Variants in EFCAB11 observed in about 807,000 individuals in gnomAD.
EFCAB11 encodes EF-hand calcium binding domain 11, also known as EF-hand calcium-binding domain-containing protein 11.
A neutral mutation model predicts 23.0 loss-of-function variants in EFCAB11; 14 were observed. The ratio of observed to expected loss-of-function variants is 0.61; its 90% CI spans 0.40 to 0.95. EFCAB11 has a LOEUF of 0.95. Ranked by LOEUF, EFCAB11 falls within the 40% of genes least tolerant of loss-of-function variation. EFCAB11 has a pLI of 0.00. For missense variants in EFCAB11, 198 were observed against 195.8 expected, an observed-to-expected ratio of 1.01 and a Z score of -0.07; for synonymous variants, 65 against 66.6, an observed-to-expected ratio of 0.98 and a Z score of 0.11.
chr14:89,949,965 T>C (rs8003068), intron 3 of EFCAB11, 132 bp downstream of exon 3: 35,950 of 978,216 alleles, frequency 0.037, 2,837 homozygotes, highest in African/African-American at 0.29. Context: ...CCCGCCCCCA[T>C]GATTCAGTTA....
Position 89,797,282 on chromosome 14 carries a change from G to A in EFCAB11, c.453C>T (p.Asp151=), listed in dbSNP as rs750977080. 14 of 1,613,298 alleles carry A rather than the reference G, an allele frequency of 8.7e-6. No homozygotes were observed. In the East Asian group the frequency reaches 2.9e-4, roughly 33 times the overall value. Residue 151 remains aspartate (D), a synonymous_variant, in exon 6 of 6, where the codon GAC becomes GAT. Transcript: ENST00000316738. The part of the protein sequence containing the change: ...RDSDGHVSFR[D]FEYALNYGQK... ...GTCCATAGTTCAGGGCATATTCAAA[G>A]TCTCTAAAGCTGACGTGACCATCTG... is the stretch of plus-strand genomic sequence containing the variant.
chr14:89,797,952 G>C (rs556005509), intron 5 of EFCAB11, among the ~76,000 whole-genome samples: 1 of 152,046 alleles, frequency 6.6e-6, no homozygotes. Context: ...AAAAAAAAGT[G>C]TGTTTGAAAG....
chr14:89,888,972 GA>G (rs1180295013), intron 5 of EFCAB11, among the ~76,000 whole-genome samples: 2 of 152,142 alleles, frequency 1.3e-5, no homozygotes, highest in Admixed American at 1.3e-4. Flanking sequence ...GGGAAATACA[GA>G]AAGAACCATG....
chr14:89,809,305 T>A (rs922181307), intron 5 of EFCAB11, among the ~76,000 whole-genome samples: 1 of 152,196 alleles, frequency 6.6e-6, no homozygotes, highest in Non-Finnish European at 1.5e-5. Flanking sequence ...GACATTAGGA[T>A]GTTGGGGAGC....
intron 3 of EFCAB11, among the ~76,000 whole-genome samples, chr14:89,943,737 T>C (rs1307412280): frequency 6.6e-6 from 1 of 152,198 alleles, no homozygotes. Flanking sequence ...AAAAATTGCA[T>C]GTTAGCAGCA....
At chr14:89,910,513 A>AG (rs1414756853) in intron 5 of EFCAB11, among the ~76,000 whole-genome samples, 1 of 152,004 alleles carries the variant, frequency 6.6e-6, no homozygotes, top group East Asian at 1.9e-4. Context: ...CATGAGAATC[A>AG]CTCGAACCAG....
intron 5 of EFCAB11, among the ~76,000 whole-genome samples, chr14:89,875,151 C>T (rs570367420): frequency 1.4e-4 from 22 of 152,238 alleles, no homozygotes; most frequent in South Asian, 1.2e-3. Flanking sequence ...TCGGGGTTCG[C>T]GTAACTAGTT....
intron 5 of EFCAB11, among the ~76,000 whole-genome samples, chr14:89,874,170 T>G (rs1950207139): frequency 1.3e-5 from 2 of 152,228 alleles, no homozygotes; most frequent in South Asian, 2.1e-4. Flanking sequence ...ACACCACATG[T>G]AAGCCTCCAA....
chr14:89,812,113 C>G (rs942281615), intron 5 of EFCAB11, among the ~76,000 whole-genome samples: 2 of 152,066 alleles, frequency 1.3e-5, no homozygotes, highest in Non-Finnish European at 2.9e-5. Flanking sequence ...ATGCTTTTCA[C>G]TTAGATTTCT....
At chr14:89,921,419 G>A (rs536587196) in intron 5 of EFCAB11, among the ~76,000 whole-genome samples, 3 of 152,324 alleles carry the variant, frequency 2.0e-5, no homozygotes, top group African/African-American at 7.2e-5. Flanking sequence ...CATAAATAGA[G>A]ATGATAATTT....
At chr14:89,872,070 T>C (rs1888289629) in intron 5 of EFCAB11, among the ~76,000 whole-genome samples, 1 of 152,214 alleles carries the variant, frequency 6.6e-6, no homozygotes, top group Admixed American at 6.5e-5. Context: ...TTATCATCCA[T>C]CCCTTTAAGA....
At chr14:89,899,212 T>TA (rs34120371) in intron 5 of EFCAB11, among the ~76,000 whole-genome samples, 4 of 152,184 alleles carry the variant, frequency 2.6e-5, no homozygotes, top group Admixed American at 2.0e-4. Flanking sequence ...ATACTGAGGC[T>TA]AAAAAATCAT....
At chr14:89,848,389 A>G (rs1027721545) in intron 5 of EFCAB11, 3 of 152,122 alleles carry the variant, frequency 2.0e-5, no homozygotes, top group Non-Finnish European at 4.4e-5. Context: ...TGTGCTGCAG[A>G]ACTGGCTTGA....
chr14:89,915,056 C>T (rs370454037), intron 5 of EFCAB11, among the ~76,000 whole-genome samples: 1 of 151,988 alleles, frequency 6.6e-6, no homozygotes, highest in Non-Finnish European at 1.5e-5. Flanking sequence ...GTAATAATAA[C>T]GCAAGTCAAT....
intron 5 of EFCAB11, among the ~76,000 whole-genome samples, chr14:89,849,675 A>C (rs1229005491): frequency 7.6e-6 from 1 of 130,770 alleles, no homozygotes; most frequent in Non-Finnish European, 1.6e-5. Context: ...TCATTATTAT[A>C]ATCAATTTGG....
intron 5 of EFCAB11, among the ~76,000 whole-genome samples, chr14:89,914,476 A>C (rs767248905): frequency 6.6e-6 from 1 of 152,212 alleles, no homozygotes; most frequent in African/African-American, 2.4e-5. Context: ...AAAAATCTGC[A>C]TAAGTAATTA....
At chr14:89,839,684 G>A (rs1283249922) in intron 5 of EFCAB11, among the ~76,000 whole-genome samples, 1 of 152,028 alleles carries the variant, frequency 6.6e-6, no homozygotes, top group African/African-American at 2.4e-5. Context: ...CAGTTCCACA[G>A]CCTATACAAG....
chr14:89,834,668 T>C (rs973413316), intron 5 of EFCAB11, among the ~76,000 whole-genome samples: 4 of 152,144 alleles, frequency 2.6e-5, no homozygotes, highest in Non-Finnish European at 5.9e-5. Flanking sequence ...TGCCCAATAC[T>C]GCAAGGACTG....
chr14:89,854,131 C>G (rs1158058689), intron 5 of EFCAB11, among the ~76,000 whole-genome samples: 1 of 151,484 alleles, frequency 6.6e-6, no homozygotes, highest in Admixed American at 6.6e-5. Flanking sequence ...ATGGAAAAAG[C>G]CAAACTATGG....
Sources: gnomAD v4.1 joint callset for allele counts (sites outside exome capture counted in the v4.1 genomes callset) on GRCh38, gnomAD v4.1.1 for gene constraint, MANE v1.5 for transcripts, NCBI Gene and HGNC (gene_info 2026-07-23, HGNC 2026-07-21) for gene names.